ANO6: variants seen among roughly 807,000 people sequenced by gnomAD.
ANO6 encodes anoctamin-6.
A neutral mutation model predicts 117.5 loss-of-function variants in ANO6; 106 were observed. The observed-to-expected ratio is 0.90, with a 90% CI of 0.77 to 1.06. The LOEUF (loss-of-function observed/expected upper bound fraction) is 1.06. Among genes scored for constraint, ANO6 ranks in the 50% least tolerant of loss-of-function variants. ANO6 has a pLI of 0.00. For synonymous variants in ANO6, 367 were observed against 385.1 expected, an observed-to-expected ratio of 0.95 and a Z score of 0.55; for missense variants, 955 against 1,121.1, an observed-to-expected ratio of 0.85 and a Z score of 2.12.
At chr12:45,282,671 A>G (rs139410385) in intron 1 of ANO6, among the ~76,000 whole-genome samples, 193 of 152,330 alleles carry the variant, frequency 1.3e-3, no homozygotes, top group African/African-American at 4.3e-3. Context: ...AGTAAGGACT[A>G]TGTTATAATG....
intron 2 of ANO6, among the ~76,000 whole-genome samples, chr12:45,308,334 A>G (rs1939743926): frequency 1.3e-5 from 2 of 152,120 alleles, no homozygotes; most frequent in South Asian, 2.1e-4. Flanking sequence ...GGAAGCCAGC[A>G]TATTGGGACA....
chr12:45,347,624 T>C, intron 4 of ANO6: 1 of 195,362 alleles, frequency 5.1e-6, no homozygotes, highest in Non-Finnish European at 1.0e-5. Flanking sequence ...CCACATAATA[T>C]GATATTGAAC....
intron 1 of ANO6, among the ~76,000 whole-genome samples, chr12:45,295,684 C>T (rs898928495): frequency 1.3e-5 from 2 of 152,014 alleles, no homozygotes; most frequent in Admixed American, 1.3e-4. Context: ...CCTCAGCCTC[C>T]AGAGTAGCTA....
At chr12:45,244,503 C>T (rs1032755404) in intron 1 of ANO6, among the ~76,000 whole-genome samples, 3 of 151,398 alleles carry the variant, frequency 2.0e-5, no homozygotes, top group Non-Finnish European at 4.4e-5. Context: ...TTTATGTACT[C>T]GCAGGTCTCT....
intron 17 of ANO6, among the ~76,000 whole-genome samples, chr12:45,417,124 T>C (rs1943234230): frequency 6.6e-6 from 1 of 152,246 alleles, no homozygotes; most frequent in African/African-American, 2.4e-5. Context: ...GGTACTGTTA[T>C]TGCTCATTTG....
rs553170793 is a variant in ANO6, at chr12:45,430,706, C to T, written c.*1395C>T. The T allele has an allele frequency of 4.3e-5, 42 of 985,484 alleles. No individual in the cohort carries two copies. Among genetic ancestry groups the T allele is most frequent in the Middle Eastern group, 1.0e-3 (2 of 1,914 alleles). 61.0% of individuals were successfully genotyped at this position (985,484 alleles called of 1,614,324 possible). The stretch of plus-strand genomic sequence containing the variant: ...TCTGGAGATTACTTCCTGCTGCACT[C>T]CTGTCTTGCCATGCACGTCTTGCCC... On this transcript the variant is annotated 3_prime_UTR_variant, in exon 20 of 20. Transcript: ENST00000320560.
In ANO6 at chr12:45,269,238, A is replaced by G. The variant is rs137963923; in HGVS notation, c.71-32776A>G. On this transcript the variant is annotated intron_variant, in intron 1 of 19. Transcript: ENST00000320560. ...CTCATTTCAGGAAATGAGACAGTCTATCAGAGGTATTCTTCATTTCCAGAC... is the reference window on the plus strand; with the variant it reads ...CTCATTTCAGGAAATGAGACAGTCTGTCAGAGGTATTCTTCATTTCCAGAC... Among the ~76,000 whole-genome samples, 300 of 152,300 alleles carry G rather than the reference A, an allele frequency of 2.0e-3. 1 individual carries two copies. Among genetic ancestry groups the G allele is most frequent in the African/African-American group, 6.9e-3 (288 of 41,564 alleles).
chr12:45,382,511 C>A, intron 10 of ANO6, among the ~76,000 whole-genome samples: 1 of 152,312 alleles, frequency 6.6e-6, no homozygotes, highest in Middle Eastern at 3.4e-3. Context: ...CTCCTCCCCA[C>A]AGTCAAGGTG....
Position 45,261,893 on chromosome 12 carries a change from G to A in ANO6, c.71-40121G>A, listed in dbSNP as rs144268389. 1.2e-3 allele frequency among the ~76,000 whole-genome samples: 186 copies of A among 152,248 alleles called. 1 individual carries two copies. Among genetic ancestry groups the A allele is most frequent in the African/African-American group, 4.3e-3 (180 of 41,534 alleles). ...AAATAATACATTTCAATTTTAAAAG[G>A]TACCGTTTTCACTTAAATGGCATGT... On this transcript the variant is annotated intron_variant, in intron 1 of 19. Coordinates refer to ENST00000320560, the MANE Select transcript of ANO6 (RefSeq NM_001025356.3).
At chr12:45,230,127 A>G (rs1947552990) in intron 1 of ANO6, among the ~76,000 whole-genome samples, 1 of 152,072 alleles carries the variant, frequency 6.6e-6, no homozygotes, top group Non-Finnish European at 1.5e-5. Flanking sequence ...TTCCACTTAT[A>G]CAGCTCATTG....
intron 2 of ANO6, among the ~76,000 whole-genome samples, chr12:45,329,434 C>T (rs180783821): frequency 3.3e-5 from 5 of 152,190 alleles, no homozygotes; most frequent in Non-Finnish European, 7.4e-5. Flanking sequence ...TGAGGTTTTC[C>T]TCCAAATAAA....
At chr12:45,395,088 G>A (rs536174808) in intron 12 of ANO6, among the ~76,000 whole-genome samples, 9 of 152,064 alleles carry the variant, frequency 5.9e-5, no homozygotes, top group East Asian at 1.9e-4. Flanking sequence ...ACTGGTAGAC[G>A]GCTAGCAAGA....
In ANO6 at chr12:45,361,752, G is replaced by A. The variant is rs573639529; in HGVS notation, c.998+4328G>A. Among the ~76,000 whole-genome samples, 209 of 152,128 alleles carry A rather than the reference G, an allele frequency of 1.4e-3. 2 individuals carry two copies. Among genetic ancestry groups the A allele is most frequent in the African/African-American group, 4.6e-3 (192 of 41,530 alleles). ...TCTGTGTCTATTGACATTATCTTGTGTGTAGTTTTTGTTCGTTATTCTATT... is the reference window on the plus strand; with the variant it reads ...TCTGTGTCTATTGACATTATCTTGTATGTAGTTTTTGTTCGTTATTCTATT... On this transcript the variant is annotated intron_variant, in intron 8 of 19. Transcript: ENST00000320560.
chr12:45,304,969 C>T (rs1592940779), intron 2 of ANO6, among the ~76,000 whole-genome samples: 1 of 152,224 alleles, frequency 6.6e-6, no homozygotes, highest in South Asian at 2.1e-4. Context: ...CCAGTGGCTT[C>T]TTCTCTCACT....
intron 7 of ANO6, among the ~76,000 whole-genome samples, chr12:45,355,650 A>G (rs751053227): frequency 2.0e-5 from 3 of 152,200 alleles, no homozygotes; most frequent in Non-Finnish European, 4.4e-5. Flanking sequence ...GCCAGAGAGC[A>G]AAGCTCCGGT....
At chr12:45,393,697 T>G (rs1942523067) in intron 12 of ANO6, among the ~76,000 whole-genome samples, 1 of 152,192 alleles carries the variant, frequency 6.6e-6, no homozygotes, top group South Asian at 2.1e-4. Context: ...TATTCAACAT[T>G]CTTAAAGAAA....
At chr12:45,255,668 T>C (rs190096461) in intron 1 of ANO6, among the ~76,000 whole-genome samples, 1 of 152,236 alleles carries the variant, frequency 6.6e-6, no homozygotes, top group African/African-American at 2.4e-5. Context: ...GAGTTACAAC[T>C]AGTAGATTGT....
intron 2 of ANO6, among the ~76,000 whole-genome samples, chr12:45,318,297 T>G (rs149022833): frequency 0.06 from 9,113 of 152,296 alleles, 300 homozygotes; most frequent in Middle Eastern, 0.1. Flanking sequence ...AATTAATTTT[T>G]GTATAAGGCG....
At position 45,271,012 on chromosome 12, in the gene ANO6, G is replaced by T. The variant is rs543078341; in HGVS notation, c.71-31002G>T. On this transcript the variant is annotated intron_variant, in intron 1 of 19. Coordinates refer to ENST00000320560, the MANE Select transcript of ANO6 (RefSeq NM_001025356.3). Reference sequence around the variant, plus strand: ...GGGGATTACAGGTGTGGGCCACCATGCCCGGCTGCAAAAGTTATTTCTTAC... The same window carrying T: ...GGGGATTACAGGTGTGGGCCACCATTCCCGGCTGCAAAAGTTATTTCTTAC... Among the ~76,000 whole-genome samples, 4 of 152,266 alleles carry T rather than the reference G, an allele frequency of 2.6e-5. No homozygotes were observed. In the South Asian group the frequency reaches 8.3e-4, roughly 32 times the overall value.
Sources: allele counts gnomAD v4.1 joint callset (sites outside exome capture counted in the v4.1 genomes callset), GRCh38; gene constraint gnomAD v4.1.1; transcripts MANE v1.5; gene names NCBI Gene and HGNC (gene_info 2026-07-23, HGNC 2026-07-21).